SYT16: variants seen among roughly 807,000 people sequenced by gnomAD.
The protein encoded by SYT16 is synaptotagmin-16.
Under a neutral mutation model 61.4 loss-of-function variants are expected in SYT16, and 42 were observed. That is an observed-to-expected ratio of 0.68 (90% CI 0.53 to 0.89). The LOEUF (loss-of-function observed/expected upper bound fraction) is 0.89, where lower values mean the gene tolerates loss of function less well. Ranked by LOEUF, SYT16 falls within the 40% of genes least tolerant of loss-of-function variation. SYT16 has a pLI of 0.00. For missense variants in SYT16, 804 were observed against 807.3 expected (o/e 1.00, Z 0.05); for synonymous variants, 314 against 302.3 (o/e 1.04, Z -0.40).
intron 1 of SYT16, among the ~76,000 whole-genome samples, chr14:61,966,152 G>T (rs1197916697): frequency 6.6e-6 from 1 of 151,230 alleles, no homozygotes; most frequent in African/African-American, 2.4e-5. Flanking sequence ...TAACAAAAAT[G>T]TTTCTTCTCC....
chr14:62,094,458 C>G (rs142622468), intron 7 of SYT16, among the ~76,000 whole-genome samples: 105 of 152,136 alleles, frequency 6.9e-4, no homozygotes, highest in African/African-American at 2.5e-3. Flanking sequence ...GAGCAACAAA[C>G]TCATTAGGCA....
At chr14:61,863,301 G>A (rs1472599034) in intron 1 of SYT16, among the ~76,000 whole-genome samples, 1 of 152,158 alleles carries the variant, frequency 6.6e-6, no homozygotes, top group African/African-American at 2.4e-5. Context: ...CCAGTGTTCT[G>A]GATTTTGGCT....
intron 3 of SYT16, among the ~76,000 whole-genome samples, chr14:62,067,602 A>G (rs981537825): frequency 6.6e-6 from 1 of 152,164 alleles, no homozygotes; most frequent in African/African-American, 2.4e-5. Context: ...CACAAAAGAC[A>G]TCGTGTGTTG....
chr14:61,988,362 A>T (rs1383910021), intron 2 of SYT16, among the ~76,000 whole-genome samples: 3 of 152,184 alleles, frequency 2.0e-5, no homozygotes, highest in African/African-American at 7.2e-5. Flanking sequence ...AGCCATGTTA[A>T]ATAGTCCCCC....
In SYT16 at chr14:62,112,447, G is replaced by A. The variant is rs1030125255; in HGVS notation, c.*11740G>A. On this transcript the variant is annotated 3_prime_UTR_variant, in exon 8 of 8. Coordinates refer to ENST00000683842, the MANE Select transcript of SYT16 (RefSeq NM_001367656.1). ...TAGCCCCAGTTTGTATAAAATGTCT[G>A]CTGCAACTGAATTCATGATAGTTCA... The A allele has an allele frequency of 1.3e-5, 2 of 152,088 alleles. No homozygotes were observed. Among genetic ancestry groups the A allele is most frequent in the African/African-American group, 4.8e-5 (2 of 41,436 alleles). 9.4% of individuals were successfully genotyped at this position (152,088 alleles called of 1,614,324 possible). A position where few individuals can be genotyped will look rare whatever the true frequency, so the allele number is the denominator to read the frequency against.
At chr14:61,942,973 A>ATTATTAATTAT (rs1297426995) in intron 1 of SYT16, among the ~76,000 whole-genome samples, 1 of 151,928 alleles carries the variant, frequency 6.6e-6, no homozygotes, top group African/African-American at 2.4e-5. Flanking sequence ...AATAAAATAG[A>ATTATTAATTAT]TAGACCACTA....
chr14:61,976,269 G>A (rs971480018), intron 2 of SYT16, among the ~76,000 whole-genome samples: 1 of 152,200 alleles, frequency 6.6e-6, no homozygotes, highest in African/African-American at 2.4e-5. Context: ...TTGAGTGGCT[G>A]TGGCTTTTCC....
chr14:62,047,881 A>G (rs1048475838), intron 3 of SYT16, among the ~76,000 whole-genome samples: 3 of 152,148 alleles, frequency 2.0e-5, no homozygotes, highest in South Asian at 4.1e-4. Context: ...GTTTGCCAGT[A>G]TTTTACTGAG....
chr14:61,922,974 G>C (rs913362063), intron 1 of SYT16, among the ~76,000 whole-genome samples: 2 of 151,514 alleles, frequency 1.3e-5, no homozygotes, highest in Non-Finnish European at 2.9e-5. Context: ...GCTTGAACCC[G>C]GGAGGCAGAG....
chr14:61,952,411 T>G (rs2050708402), intron 1 of SYT16, among the ~76,000 whole-genome samples: 1 of 152,224 alleles, frequency 6.6e-6, no homozygotes, highest in Non-Finnish European at 1.5e-5. Context: ...CATGGACTAT[T>G]GGTGCATCTC....
chr14:61,829,734 A>G (rs2045880226), intron 1 of SYT16, among the ~76,000 whole-genome samples: 1 of 151,674 alleles, frequency 6.6e-6, no homozygotes, highest in Non-Finnish European at 1.5e-5. Flanking sequence ...GGCTCATTGC[A>G]AGCTCCGCCT....
chr14:61,860,509 T>C (rs2046929861), intron 1 of SYT16, among the ~76,000 whole-genome samples: 1 of 152,214 alleles, frequency 6.6e-6, no homozygotes, highest in Non-Finnish European at 1.5e-5. Flanking sequence ...CCTTGGTTAC[T>C]GACTTGCCAG....
At chr14:61,893,951 T>G (rs887056833) in intron 1 of SYT16, among the ~76,000 whole-genome samples, 3 of 152,128 alleles carry the variant, frequency 2.0e-5, no homozygotes, top group Non-Finnish European at 4.4e-5. Context: ...AACCTGGCAG[T>G]CTAAGGAGAA....
intron 1 of SYT16, among the ~76,000 whole-genome samples, chr14:61,938,104 A>G (rs1447478524): frequency 6.6e-6 from 1 of 151,658 alleles, no homozygotes; most frequent in Admixed American, 6.6e-5. Flanking sequence ...CCACATATCT[A>G]GACTATAAGT....
intron 3 of SYT16, among the ~76,000 whole-genome samples, chr14:62,017,600 A>C (rs1198368482): frequency 1.3e-5 from 2 of 152,112 alleles, no homozygotes; most frequent in African/African-American, 4.8e-5. Flanking sequence ...CCTTTTATTC[A>C]TGCATGTAAT....
At chr14:61,833,706 C>CTTTTTTTTTTTTTTTT in intron 1 of SYT16, among the ~76,000 whole-genome samples, 1 of 48,348 alleles carries the variant, frequency 2.1e-5, no homozygotes, top group East Asian at 7.3e-4. Context: ...CCAGCAGTGG[C>CTTTTTTTTTTTTTTTT]TTTTTTTTTT....
chr14:61,879,692 A>G (rs1244576286), intron 1 of SYT16, among the ~76,000 whole-genome samples: 7 of 152,154 alleles, frequency 4.6e-5, no homozygotes, highest in Admixed American at 4.6e-4. Flanking sequence ...TTCATTGTCT[A>G]TGATCCCCTT....
intron 1 of SYT16, among the ~76,000 whole-genome samples, chr14:61,875,054 G>T (rs995998282): frequency 1.3e-5 from 2 of 152,152 alleles, no homozygotes; most frequent in Non-Finnish European, 2.9e-5. Flanking sequence ...AACCTGCCTG[G>T]GAGCTTGTTA....
rs2050035270 is a variant in SYT16, at chr14:61,937,636, A to C, written c.-324-32496A>C. On this transcript the variant is annotated intron_variant, in intron 1 of 7. Coordinates refer to ENST00000683842, the MANE Select transcript of SYT16 (RefSeq NM_001367656.1). ...AAGCCCCACTTGCCTTTCCATGGAG[A>C]TCTGGAGAGTGTTGGGACAATTTTC... Among the ~76,000 whole-genome samples the C allele has an allele frequency of 2.0e-5, 3 of 152,220 alleles. No individual in the cohort carries two copies. In the South Asian group the frequency reaches 6.2e-4, roughly 32 times the overall value.
Sources: gnomAD v4.1 joint callset for allele counts (sites outside exome capture counted in the v4.1 genomes callset) on GRCh38, gnomAD v4.1.1 for gene constraint, MANE v1.5 for transcripts, NCBI Gene and HGNC (gene_info 2026-07-23, HGNC 2026-07-21) for gene names.